The following IGSF10 variants were observed in gnomAD, a reference collection of about 807,000 sequenced individuals.
The protein encoded by IGSF10 is calvaria mechanical force protein 608.
IGSF10 carries 126 observed loss-of-function variants against 128.2 expected under a neutral mutation model. That is an observed-to-expected ratio of 0.98 (90% CI 0.85 to 1.14). The LOEUF is 1.14. IGSF10 is among the 50% of genes most tolerant of loss of function. IGSF10 has a pLI of 0.00. For synonymous variants in IGSF10, 1,185 were observed against 1,146.2 expected, an observed-to-expected ratio of 1.03 and a Z score of -0.68; for missense variants, 3,295 against 3,149.8, an observed-to-expected ratio of 1.05 and a Z score of -1.10.
the IGSF10 span, among the ~76,000 whole-genome samples, chr3:151,492,939 C>T: frequency 9.2e-5 from 14 of 151,998 alleles, no homozygotes; most frequent in East Asian, 2.1e-3. Flanking sequence ...TATATGTATG[C>T]CTATATATGC....
At chr3:151,601,480 C>T in the IGSF10 span, among the ~76,000 whole-genome samples, 3 of 152,288 alleles carry the variant, frequency 2.0e-5, no homozygotes, top group African/African-American at 7.2e-5. Flanking sequence ...AAGTCTCATA[C>T]TGCCTTGGAA....
the IGSF10 span, among the ~76,000 whole-genome samples, chr3:151,503,013 T>C: frequency 1.3e-5 from 2 of 152,080 alleles, no homozygotes; most frequent in South Asian, 4.1e-4. Context: ...TGGGACTCCA[T>C]CATCACTCTC....
chr3:151,504,565 A>C, the IGSF10 span, among the ~76,000 whole-genome samples: 1 of 152,334 alleles, frequency 6.6e-6, no homozygotes, highest in Non-Finnish European at 1.5e-5. Context: ...CAATAGTTAC[A>C]TATCAAACTC....
At chr3:151,453,129 G>A (rs918224079) in intron 5 of IGSF10, among the ~76,000 whole-genome samples, 2 of 152,158 alleles carry the variant, frequency 1.3e-5, no homozygotes, top group African/African-American at 4.8e-5. Context: ...CTAAGCCAGA[G>A]ATCAGCAACA....
the IGSF10 span, among the ~76,000 whole-genome samples, chr3:151,553,634 C>A: frequency 0.079 from 11,895 of 149,656 alleles, 607 homozygotes; most frequent in African/African-American, 0.15. Flanking sequence ...CTCTCTCTTT[C>A]TATATATATA....
intron 4 of IGSF10, among the ~76,000 whole-genome samples, chr3:151,454,631 T>G (rs1293036577): frequency 6.6e-6 from 1 of 152,126 alleles, no homozygotes; most frequent in African/African-American, 2.4e-5. Flanking sequence ...TAAGATTTCT[T>G]AAACATAAAT....
At chr3:151,543,828 A>G in the IGSF10 span, among the ~76,000 whole-genome samples, 193 of 152,332 alleles carry the variant, frequency 1.3e-3, no homozygotes, top group African/African-American at 4.3e-3. Context: ...GTACCTTACA[A>G]TAAGTATCTG....
chr3:151,460,259 A>G lies in IGSF10; in HGVS notation c.-2+2T>C, dbSNP rs751823470. The G allele has an allele frequency of 8.2e-5, 76 of 926,882 alleles. No homozygotes were observed. Among genetic ancestry groups the G allele is most frequent in the Non-Finnish European group, 9.5e-5 (74 of 776,726 alleles). 57.4% of individuals were successfully genotyped at this position (926,882 alleles called of 1,614,324 possible). A position where few individuals can be genotyped will look rare whatever the true frequency, so the allele number is the denominator to read the frequency against. On this transcript the variant is annotated splice_donor_variant, in intron 2 of 7. Coordinates refer to ENST00000282466, the MANE Select transcript of IGSF10 (RefSeq NM_178822.5). LOFTEE classifies it low-confidence loss of function (5UTR_SPLICE). Reference sequence around the variant, plus strand: ...ACATAATGAAATAGGAATTGGCAATACCTGAGCTCTTCTTTCAGGTCCTGA... The same window carrying G: ...ACATAATGAAATAGGAATTGGCAATGCCTGAGCTCTTCTTTCAGGTCCTGA...
At chr3:151,611,780 T>C in the IGSF10 span, among the ~76,000 whole-genome samples, 1 of 152,200 alleles carries the variant, frequency 6.6e-6, no homozygotes, top group Admixed American at 6.5e-5. Flanking sequence ...ATTTTGCTGC[T>C]TGTATTTTAA....
At chr3:151,463,712 G>A (rs372382716), upstream of IGSF10, among the ~76,000 whole-genome samples, 216 of 151,744 alleles carry the variant, frequency 1.4e-3, 1 homozygote, top group African/African-American at 4.8e-3. Context: ...ATGGCTGGGC[G>A]CAGTGGCTCA....
the IGSF10 span, among the ~76,000 whole-genome samples, chr3:151,539,805 T>TATCTATC: frequency 6.6e-6 from 1 of 151,534 alleles, no homozygotes; most frequent in Admixed American, 6.6e-5. Context: ...TCTATCTATC[T>TATCTATC]ATCTATCTAT....
At chr3:151,442,635 T>A (rs1379992448) in intron 7 of IGSF10, among the ~76,000 whole-genome samples, 1 of 150,906 alleles carries the variant, frequency 6.6e-6, no homozygotes, top group Non-Finnish European at 1.5e-5. Flanking sequence ...GTGATCCATC[T>A]GTCTCGGCCT....
the IGSF10 span, among the ~76,000 whole-genome samples, chr3:151,606,053 G>A: frequency 2.5e-4 from 38 of 152,216 alleles, no homozygotes; most frequent in Non-Finnish European, 5.3e-4. Flanking sequence ...AATTTCACTG[G>A]GTGACATTTC....
At position 151,449,283 on chromosome 3, in the gene IGSF10, T is replaced by C. The variant is rs773395267; in HGVS notation, c.716-18A>G. 55 of 1,549,214 alleles carry C rather than the reference T, an allele frequency of 3.6e-5. No homozygotes were observed. The highest frequency in any genetic ancestry group is 1.0e-4 in the Admixed American group (5 of 49,746). On this transcript the variant is annotated intron_variant, in intron 5 of 7. Transcript: ENST00000282466. Reference sequence around the variant, plus strand: ...TATTACATCTGGAAAAAAATCACAATTGAATTATCAGTTGTGACCTCTTTA... The same window carrying C: ...TATTACATCTGGAAAAAAATCACAACTGAATTATCAGTTGTGACCTCTTTA...
the IGSF10 span, among the ~76,000 whole-genome samples, chr3:151,562,194 G>C: frequency 4.6e-5 from 7 of 152,162 alleles, no homozygotes; most frequent in African/African-American, 1.2e-4. Context: ...GTGGGAATGA[G>C]AGTGACCTCT....
At chr3:151,558,819 A>G in the IGSF10 span, among the ~76,000 whole-genome samples, 1 of 152,208 alleles carries the variant, frequency 6.6e-6, no homozygotes, top group South Asian at 2.1e-4. Context: ...ATGTGATTTC[A>G]TTTTTGAGCC....
In IGSF10 at chr3:151,437,809, G is replaced by A. The variant is rs1720493641; in HGVS notation, c.6752C>T (p.Ala2251Val). ...YTNRTVIKATAVRHSKKHFDC... is the reference protein window; with the variant it reads ...YTNRTVIKATVVRHSKKHFDC... Reference sequence around the variant, plus strand: ...AAAGTGTTTTTTGGAATGTCTCACAGCTGTGGCTTTAATAACAGTTCTGTT... The same window carrying A: ...AAAGTGTTTTTTGGAATGTCTCACAACTGTGGCTTTAATAACAGTTCTGTT... The change falls in exon 8 of 8, where the codon GCT becomes GTT. Residue 2251 changes from alanine (A) to valine (V), a missense_variant. Coordinates refer to ENST00000282466, the MANE Select transcript of IGSF10 (RefSeq NM_178822.5). 1 of 1,613,866 alleles carries A rather than the reference G, an allele frequency of 6.2e-7. No individual in the cohort carries two copies. Among genetic ancestry groups the A allele is most frequent in the Non-Finnish European group, 8.5e-7 (1 of 1,179,982 alleles).
rs142335725 is a variant in IGSF10, at chr3:151,446,174, G to A, written c.3807C>T (p.Thr1269=). The A allele has an allele frequency of 1.1e-4, 174 of 1,614,018 alleles. 2 individuals carry two copies. Among genetic ancestry groups the A allele is most frequent in the African/African-American group, 1.7e-4 (13 of 75,008 alleles). The change falls in exon 6 of 8, where the codon ACC becomes ACT. Residue 1269 remains threonine (T), a synonymous_variant. Transcript: ENST00000282466. The stretch of plus-strand genomic sequence containing the variant: ...GTGTTTTGGTCGTAGTGTGGTGAGC[G>A]GTAGTCAAGGTATTAGATGGAATTT... ...VMQIPSNTLT[T]AHHTTTKTHN...
the IGSF10 span, among the ~76,000 whole-genome samples, chr3:151,575,783 C>T: frequency 2.0e-4 from 30 of 152,310 alleles, no homozygotes; most frequent in South Asian, 6.0e-3. Context: ...GTTGGAAATG[C>T]AGAAATCAGC....
Sources: allele counts gnomAD v4.1 joint callset (sites outside exome capture counted in the v4.1 genomes callset), GRCh38; gene constraint gnomAD v4.1.1; transcripts MANE v1.5; gene names NCBI Gene and HGNC (gene_info 2026-07-23, HGNC 2026-07-21).